The following HMGCLL1 variants were observed in gnomAD, a reference collection of about 807,000 sequenced individuals.
HMGCLL1 encodes the protein 3-hydroxymethyl-3-methylglutaryl-CoA lyase, cytoplasmic.
HMGCLL1 carries 36 observed loss-of-function variants against 39.1 expected under a neutral mutation model. That is an observed-to-expected ratio of 0.92 (90% CI 0.71 to 1.22). The LOEUF (loss-of-function observed/expected upper bound fraction) is 1.22, where lower values mean the gene tolerates loss of function less well. Ranked by LOEUF, HMGCLL1 falls within the 50% of genes most tolerant of loss-of-function variation. The pLI, the probability that HMGCLL1 is intolerant of heterozygous loss-of-function variation, is 0.00. For synonymous variants in HMGCLL1, 149 were observed against 144.0 expected (o/e 1.03, Z -0.25); for missense variants, 451 against 416.5 (o/e 1.08, Z -0.72).
chr6:55,510,868 C>A (rs1473859543), intron 5 of HMGCLL1, among the ~76,000 whole-genome samples: 2 of 150,856 alleles, frequency 1.3e-5, no homozygotes, highest in African/African-American at 2.4e-5. Flanking sequence ...ATCATTTTAA[C>A]CATGAAATTA....
At chr6:55,537,009 A>G (rs964143379) in intron 3 of HMGCLL1, among the ~76,000 whole-genome samples, 2 of 152,210 alleles carry the variant, frequency 1.3e-5, no homozygotes, top group African/African-American at 2.4e-5. Context: ...AAAAGTAGAA[A>G]TTATTTCAAC....
At chr6:55,489,757 TCA>T (rs1766218089) in intron 7 of HMGCLL1, among the ~76,000 whole-genome samples, 1 of 152,082 alleles carries the variant, frequency 6.6e-6, no homozygotes, top group Non-Finnish European at 1.5e-5. Context: ...ATTACTATAA[TCA>T]CACTAATTTA....
At chr6:55,636,863 T>G in the HMGCLL1 span, among the ~76,000 whole-genome samples, 1 of 152,154 alleles carries the variant, frequency 6.6e-6, no homozygotes, top group Non-Finnish European at 1.5e-5. Context: ...GTATCATTAT[T>G]CACTTCTGAC....
chr6:55,585,127 G>C, the HMGCLL1 span, among the ~76,000 whole-genome samples: 1 of 151,990 alleles, frequency 6.6e-6, no homozygotes, highest in Non-Finnish European at 1.5e-5. Flanking sequence ...GAATTGTTCT[G>C]AAATAGAGCA....
intron 5 of HMGCLL1, among the ~76,000 whole-genome samples, chr6:55,503,802 G>T (rs1179823712): frequency 6.6e-6 from 1 of 151,592 alleles, no homozygotes; most frequent in Non-Finnish European, 1.5e-5. Context: ...TCACTTGATG[G>T]TCACCTTTGT....
At chr6:55,654,076 G>T in the HMGCLL1 span, among the ~76,000 whole-genome samples, 1 of 151,918 alleles carries the variant, frequency 6.6e-6, no homozygotes, top group Non-Finnish European at 1.5e-5. Context: ...ATCATCATTT[G>T]AGTATCAGCT....
At chr6:55,578,828 G>A in intron 1 of HMGCLL1, 120 bp downstream of exon 1, 1 of 713,048 alleles carries the variant, frequency 1.4e-6, no homozygotes, top group South Asian at 1.6e-5. Context: ...ACTGCTGCGG[G>A]AAGGGTCCTG....
chr6:55,581,713 T>C (rs549750913), upstream of HMGCLL1, among the ~76,000 whole-genome samples: 191 of 151,942 alleles, frequency 1.3e-3, no homozygotes, highest in African/African-American at 4.5e-3. Flanking sequence ...ATTAGAAAAA[T>C]AAAGAAACCA....
Position 55,550,603 on chromosome 6 carries a change from A to G in HMGCLL1, c.109-8463T>C, listed in dbSNP as rs527526762. 1.2e-3 allele frequency among the ~76,000 whole-genome samples: 188 copies of G among 152,072 alleles called. 2 individuals are homozygous for G. Among genetic ancestry groups the G allele is most frequent in the African/African-American group, 4.4e-3 (183 of 41,376 alleles). On this transcript the variant is annotated intron_variant, in intron 1 of 8. Coordinates refer to ENST00000274901, the MANE Select transcript of HMGCLL1 (RefSeq NM_001042406.2). ...CTAAGAAAATTAGTGCCAGGAGTGA[A>G]CTGAGGAAGTGGTCTCCAAAATGGG...
chr6:55,435,866 A>G (rs1350510286), intron 8 of HMGCLL1, 103 bp from the exon 9 acceptor site: 2 of 518,154 alleles, frequency 3.9e-6, no homozygotes, highest in East Asian at 6.5e-5. Context: ...AACCATTTAA[A>G]ATTACTAAAC....
chr6:55,633,538 G>GA, the HMGCLL1 span, among the ~76,000 whole-genome samples: 1 of 151,630 alleles, frequency 6.6e-6, no homozygotes. Flanking sequence ...AATAAGGTCA[G>GA]AAAAAAATTT....
chr6:55,608,985 G>A, the HMGCLL1 span, among the ~76,000 whole-genome samples: 14 of 152,226 alleles, frequency 9.2e-5, no homozygotes, highest in Admixed American at 9.2e-4. Flanking sequence ...CCTACCCCCA[G>A]CCAAGGGAGC....
At chr6:55,583,994 G>C (rs1032195644), upstream of HMGCLL1, among the ~76,000 whole-genome samples, 1 of 151,944 alleles carries the variant, frequency 6.6e-6, no homozygotes. Context: ...GAGACCAATG[G>C]TTCATGTTCA....
chr6:55,610,261 C>G, the HMGCLL1 span, among the ~76,000 whole-genome samples: 1 of 151,824 alleles, frequency 6.6e-6, no homozygotes, highest in Non-Finnish European at 1.5e-5. Context: ...TGTCCTAACC[C>G]AATGCAAAGG....
At chr6:55,577,678 T>C (rs1771825861) in intron 1 of HMGCLL1, among the ~76,000 whole-genome samples, 1 of 151,862 alleles carries the variant, frequency 6.6e-6, no homozygotes, top group Non-Finnish European at 1.5e-5. Flanking sequence ...AAAAGAAAAA[T>C]CATATAAACT....
intron 1 of HMGCLL1, among the ~76,000 whole-genome samples, chr6:55,565,163 T>G (rs908194328): frequency 1.3e-5 from 2 of 152,104 alleles, no homozygotes; most frequent in Admixed American, 6.6e-5. Flanking sequence ...TGAAAAACAT[T>G]CACGCTTTGG....
At chr6:55,479,717 G>T (rs1157134389) in intron 7 of HMGCLL1, among the ~76,000 whole-genome samples, 1 of 151,646 alleles carries the variant, frequency 6.6e-6, no homozygotes, top group Non-Finnish European at 1.5e-5. Context: ...GTATGTGAAA[G>T]CCTGAAGATT....
chr6:55,546,435 C>T (rs929671918), intron 1 of HMGCLL1, among the ~76,000 whole-genome samples: 4 of 152,026 alleles, frequency 2.6e-5, no homozygotes, highest in Non-Finnish European at 5.9e-5. Flanking sequence ...ATAATAAGCA[C>T]TTGATCAATG....
chr6:55,575,118 A>C (rs1318200020), intron 1 of HMGCLL1, among the ~76,000 whole-genome samples: 1 of 152,062 alleles, frequency 6.6e-6, no homozygotes, highest in Non-Finnish European at 1.5e-5. Context: ...ACTTTAAAAC[A>C]TGCCAATTAA....
Sources: allele counts gnomAD v4.1 joint callset (sites outside exome capture counted in the v4.1 genomes callset), GRCh38; gene constraint gnomAD v4.1.1; transcripts MANE v1.5; gene names NCBI Gene and HGNC (gene_info 2026-07-23, HGNC 2026-07-21).